The following APOBEC3D variants were observed in gnomAD, a reference collection of about 807,000 sequenced individuals.
APOBEC3D encodes apolipoprotein B mRNA editing enzyme catalytic subunit 3D, also known as DNA dC->dU-editing enzyme APOBEC-3D.
In APOBEC3D, 37 loss-of-function variants were observed where a neutral mutation model predicts 45.6. The observed-to-expected ratio is 0.81, with a 90% confidence interval of 0.62 to 1.07. The LOEUF is 1.07. Among genes scored for constraint, APOBEC3D ranks in the 50% least tolerant of loss-of-function variants. The pLI is 0.00. For synonymous variants in APOBEC3D, 175 were observed against 180.7 expected (o/e 0.97, Z 0.25); for missense variants, 496 against 495.3 (o/e 1.00, Z -0.01).
chr22:39,027,245 A>G (rs909392047), intron 4 of APOBEC3D, among the ~76,000 whole-genome samples: 9 of 152,070 alleles, frequency 5.9e-5, no homozygotes, highest in Non-Finnish European at 1.3e-4. Flanking sequence ...ATGTGGAAGG[A>G]AGGAGCTCAG....
In APOBEC3D at chr22:39,026,846, G is replaced by A. The variant is rs557661113; in HGVS notation, c.605+1175G>A. ...CGGCTCACTGCAACCTCTGCCTCCC[G>A]GTTCTAGCAATTCCCTTGTCTCAGC... is the stretch of plus-strand genomic sequence containing the variant. On this transcript the variant is annotated intron_variant, in intron 4 of 6. Coordinates refer to ENST00000216099, the MANE Select transcript of APOBEC3D (RefSeq NM_152426.4). Among the ~76,000 whole-genome samples, 26 of 151,820 alleles carry A rather than the reference G, an allele frequency of 1.7e-4. No individual in the cohort carries two copies. In the South Asian group the frequency reaches 1.9e-3, roughly 11 times the overall value.
At chr22:39,028,184 C>T (rs1487858638) in intron 4 of APOBEC3D, among the ~76,000 whole-genome samples, 1 of 152,190 alleles carries the variant, frequency 6.6e-6, no homozygotes, top group East Asian at 1.9e-4. Context: ...ACAGGCTCCT[C>T]CTCCGTGAGC....
intron 5 of APOBEC3D, 23 bp from the exon 6 acceptor site, chr22:39,031,671 C>T (rs1569061044): frequency 2.5e-6 from 4 of 1,610,072 alleles, no homozygotes; most frequent in Admixed American, 1.7e-5. Flanking sequence ...GCTCCCCCTG[C>T]CCTCCTCCTC....
At chr22:39,025,814 C>T (rs978735565) in intron 4 of APOBEC3D, 143 bp downstream of exon 4, 9 of 1,502,658 alleles carry the variant, frequency 6.0e-6, no homozygotes, top group Admixed American at 3.8e-5. Flanking sequence ...CCACACTCCT[C>T]ATGCTCCCTC....
chr22:39,030,923 A>G (rs920483148), intron 5 of APOBEC3D, among the ~76,000 whole-genome samples: 4 of 152,192 alleles, frequency 2.6e-5, no homozygotes, highest in African/African-American at 9.6e-5. Context: ...ATCCCAACAC[A>G]TCGTGAGGCC....
At position 39,031,907 on chromosome 22, in the gene APOBEC3D, G is replaced by T; in HGVS notation, c.976G>T (p.Asp326Tyr). 2 of 1,614,214 alleles carry T rather than the reference G, an allele frequency of 1.2e-6. No homozygotes were observed. The highest frequency in any genetic ancestry group is 2.2e-5 in the South Asian group (2 of 91,076). Residue 326 changes from aspartate to tyrosine, a missense_variant, in exon 6 of 7, where the codon GAT becomes TAT. Asp to Tyr is a radical substitution (Grantham distance 160, BLOSUM62 -3). Coordinates refer to ENST00000216099, the MANE Select transcript of APOBEC3D (RefSeq NM_152426.4). The part of the protein sequence containing the change: ...TARLCYFWDT[D>Y]YQEGLCSLSQ... ...CCGCCTCTGCTACTTCTGGGATACAGATTACCAGGAGGGGCTCTGCAGCCT... is the reference window on the plus strand; with the variant it reads ...CCGCCTCTGCTACTTCTGGGATACATATTACCAGGAGGGGCTCTGCAGCCT...
At position 39,032,728 on chromosome 22, in the gene APOBEC3D, GATT is replaced by G; in HGVS notation, c.*414_*416del. On this transcript the variant is annotated 3_prime_UTR_variant, in exon 7 of 7. Coordinates refer to ENST00000216099, the MANE Select transcript of APOBEC3D (RefSeq NM_152426.4). Reference sequence around the variant, plus strand: ...CCTGTCTCAGCTTCTGAGTAGCTGGGATTACAGATGCCTGCCACCACGCCCAGC... The same window carrying G: ...CCTGTCTCAGCTTCTGAGTAGCTGGGACAGATGCCTGCCACCACGCCCAGC... 11 of 417,698 alleles carry G rather than the reference GATT, an allele frequency of 2.6e-5. No individual in the cohort carries two copies. Among genetic ancestry groups the G allele is most frequent in the Non-Finnish European group, 3.5e-5 (11 of 312,074 alleles). 25.9% of individuals were successfully genotyped at this position (417,698 alleles called of 1,614,324 possible).
chr22:39,032,588 T>TA lies in APOBEC3D; in HGVS notation c.*272_*273insA. ...TTCCCATCTCCCCAGCATAACCAAA[T>TA]CTTTTTTTTTTTTTTTTTTTTTTGA... is the stretch of plus-strand genomic sequence containing the variant. On this transcript the variant is annotated 3_prime_UTR_variant, in exon 7 of 7. Transcript: ENST00000216099. 6 of 725,428 alleles carry TA rather than the reference T, an allele frequency of 8.3e-6. No homozygotes were observed. The highest frequency in any genetic ancestry group is 1.0e-5 in the Non-Finnish European group (6 of 601,290). The allele number at this position is 725,428 out of a possible 1,614,324, so 44.9% of individuals were successfully genotyped here.
At chr22:39,031,672 C>G (rs1396724013) in intron 5 of APOBEC3D, 22 bp from the exon 6 acceptor site, 1 of 1,583,450 alleles carries the variant, frequency 6.3e-7, no homozygotes, top group Admixed American at 1.7e-5. Context: ...CTCCCCCTGC[C>G]CTCCTCCTCC....
intron 4 of APOBEC3D, among the ~76,000 whole-genome samples, chr22:39,028,204 C>G (rs1162056237): frequency 6.6e-6 from 1 of 152,166 alleles, no homozygotes; most frequent in Admixed American, 6.5e-5. Context: ...CACCATTCAC[C>G]TTTTAGAATG....
rs1926228271 is a variant in APOBEC3D at position 39,031,678 on chromosome 22, C to G, written c.763-16C>G. 2 of 1,610,788 alleles carry G rather than the reference C, an allele frequency of 1.2e-6. No individual in the cohort carries two copies. The highest frequency in any genetic ancestry group is 1.7e-6 in the Non-Finnish European group (2 of 1,177,332). ...TGGTCTGAGCTCCCCCTGCCCTCCT[C>G]CTCCTCCTTCCCCAGGTGGATCCTG... On this transcript the variant is annotated splice_polypyrimidine_tract_variant and intron_variant, in intron 5 of 6. Coordinates refer to ENST00000216099, the MANE Select transcript of APOBEC3D (RefSeq NM_152426.4).
chr22:39,031,998 G>A, intron 6 of APOBEC3D, 25 bp downstream of exon 6: 3 of 1,613,654 alleles, frequency 1.9e-6, no homozygotes, highest in Non-Finnish European at 1.7e-6. Flanking sequence ...GCTGAGGAGA[G>A]TGGGTGCGGG....
intron 6 of APOBEC3D, 22 bp downstream of exon 6, chr22:39,031,995 A>G: frequency 6.2e-7 from 1 of 1,613,530 alleles, no homozygotes; most frequent in Admixed American, 1.7e-5. Flanking sequence ...GGGGCTGAGG[A>G]GAGTGGGTGC....
At chr22:39,025,700 T>C (rs1436576099) in intron 4 of APOBEC3D, 29 bp downstream of exon 4, 7 of 1,613,764 alleles carry the variant, frequency 4.3e-6, no homozygotes, top group Admixed American at 3.3e-5. Context: ...CCTCATCGTC[T>C]CTCTCCTCTC....
Position 39,025,130 on chromosome 22 carries a change from C to A in APOBEC3D, c.271C>A (p.Arg91=). ...MCFLSWFCGN[R]LPANRRFQIT... The stretch of plus-strand genomic sequence containing the variant: ...CTTCTTATCTTGGTTCTGTGGCAAC[C>A]GACTGCCTGCTAACAGGCGCTTCCA... Residue 91 remains arginine (R), a synonymous_variant, in exon 3 of 7, where the codon CGA becomes AGA. Coordinates refer to ENST00000216099, the MANE Select transcript of APOBEC3D (RefSeq NM_152426.4). The A allele has an allele frequency of 3.7e-6, 6 of 1,612,884 alleles. No homozygotes were observed. The highest frequency in any genetic ancestry group is 2.2e-5 in the South Asian group (2 of 91,006).
intron 4 of APOBEC3D, among the ~76,000 whole-genome samples, chr22:39,028,359 G>A (rs1353321939): frequency 6.6e-6 from 1 of 152,232 alleles, no homozygotes; most frequent in East Asian, 1.9e-4. Flanking sequence ...GCCTCGAAAG[G>A]GGCCCCAGCT....
intron 1 of APOBEC3D, 58 bp from the exon 2 acceptor site, chr22:39,022,764 G>C: frequency 2.6e-6 from 4 of 1,566,850 alleles, no homozygotes; most frequent in Non-Finnish European, 3.5e-6. Context: ...GTGGACATGA[G>C]CCCCGAGGAC....
At chr22:39,030,593 G>A (rs1490607212) in intron 5 of APOBEC3D, among the ~76,000 whole-genome samples, 6 of 152,092 alleles carry the variant, frequency 3.9e-5, no homozygotes, top group Middle Eastern at 3.4e-3. Flanking sequence ...TTTGAAATGC[G>A]CTGTGTATTT....
rs1158303218 is a variant in APOBEC3D at position 39,022,885 on chromosome 22, C to A, written c.81C>A (p.Leu27=). The A allele has an allele frequency of 6.2e-7, 1 of 1,613,112 alleles. No homozygotes were observed. Among genetic ancestry groups the A allele is most frequent in the East Asian group, 2.2e-5 (1 of 44,870 alleles). ...ACAACTTTGAAAACGAACCCATCCT[C>A]TATGGTCGGAGCTACACTTGGCTGT... ...FYDNFENEPI[L]YGRSYTWLCY... is the part of the protein sequence containing the mutation. Residue 27 remains leucine, a synonymous_variant, in exon 2 of 7, where the codon CTC becomes CTA. Coordinates refer to ENST00000216099, the MANE Select transcript of APOBEC3D (RefSeq NM_152426.4).
Sources: gnomAD v4.1 joint callset for allele counts (sites outside exome capture counted in the v4.1 genomes callset) on GRCh38, gnomAD v4.1.1 for gene constraint, MANE v1.5 for transcripts, NCBI Gene and HGNC (gene_info 2026-07-23, HGNC 2026-07-21) for gene names.